The following PRELID2 variants were observed in gnomAD, a reference collection of about 807,000 sequenced individuals.
The protein encoded by PRELID2 is PRELI domain-containing protein 2.
PRELID2 carries 25 observed loss-of-function variants against 28.4 expected under a neutral mutation model. The observed-to-expected ratio is 0.88, with a 90% CI of 0.64 to 1.23. The LOEUF is 1.23. Among genes scored for constraint, PRELID2 ranks in the 50% most tolerant of loss-of-function variants. PRELID2 has a pLI of 0.00. For missense variants in PRELID2, 201 were observed against 214.4 expected, an observed-to-expected ratio of 0.94 and a Z score of 0.39; for synonymous variants, 76 against 71.6, an observed-to-expected ratio of 1.06 and a Z score of -0.31.
chr5:145,355,985 GAA>G, the PRELID2 span, among the ~76,000 whole-genome samples: 1 of 152,054 alleles, frequency 6.6e-6, no homozygotes, highest in Non-Finnish European at 1.5e-5. Flanking sequence ...TCTTTAAATT[GAA>G]AAGAGTAATT....
rs563532323 is a variant in PRELID2 at position 145,728,798 on chromosome 5, C to T, written n.70+36133G>A. On this transcript the variant is annotated intron_variant and non_coding_transcript_variant, in intron 1 of 2. Transcript: ENST00000510259. ...CAATGTAGTAGGAGTAGAAGTTGTA[C>T]GTTCCAATCATAAAGGCCACAAACA... 9.9e-5 allele frequency: 108 copies of T among 1,092,552 alleles called. 1 individual carries two copies. The South Asian group carries it at 1.1e-3, about 11-fold the overall frequency. 67.7% of individuals were successfully genotyped at this position (1,092,552 alleles called of 1,614,324 possible). A position where few individuals can be genotyped will look rare whatever the true frequency, so the allele number is the denominator to read the frequency against.
chr5:145,417,038 G>T, the PRELID2 span, among the ~76,000 whole-genome samples: 1 of 151,838 alleles, frequency 6.6e-6, no homozygotes, highest in African/African-American at 2.4e-5. Context: ...GAAGAGAAGA[G>T]ATAAATAGAG....
chr5:145,403,711 T>C, the PRELID2 span, among the ~76,000 whole-genome samples: 26 of 152,348 alleles, frequency 1.7e-4, no homozygotes, highest in South Asian at 2.5e-3. Flanking sequence ...TGGGTGTTAT[T>C]ATCCCTGATT....
the PRELID2 span, among the ~76,000 whole-genome samples, chr5:145,400,875 T>C: frequency 1.3e-5 from 2 of 152,096 alleles, no homozygotes; most frequent in Admixed American, 6.6e-5. Context: ...ACATTAGGGC[T>C]ATGAGGAACC....
chr5:145,698,691 A>T (rs1010612713), intron 1 of PRELID2, among the ~76,000 whole-genome samples: 1 of 152,094 alleles, frequency 6.6e-6, no homozygotes, highest in Admixed American at 6.6e-5. Context: ...TAATGATCTA[A>T]TCACCTCCCA....
chr5:145,782,238 T>C (rs950883972), intron 5 of PRELID2, among the ~76,000 whole-genome samples: 1 of 152,226 alleles, frequency 6.6e-6, no homozygotes, highest in African/African-American at 2.4e-5. Flanking sequence ...CTGAACTCTC[T>C]GGGACTCTGA....
chr5:145,315,627 C>A, the PRELID2 span, among the ~76,000 whole-genome samples: 2 of 150,594 alleles, frequency 1.3e-5, no homozygotes, highest in East Asian at 2.0e-4. Flanking sequence ...TCTGAAATAG[C>A]CCATCCTCAC....
chr5:145,380,578 T>G, the PRELID2 span, among the ~76,000 whole-genome samples: 1 of 152,244 alleles, frequency 6.6e-6, no homozygotes, highest in Non-Finnish European at 1.5e-5. Flanking sequence ...TACACATTCA[T>G]AGTAAGTATG....
At chr5:145,743,784 A>C (rs1357834176) in intron 1 of PRELID2, among the ~76,000 whole-genome samples, 1 of 152,166 alleles carries the variant, frequency 6.6e-6, no homozygotes, top group Non-Finnish European at 1.5e-5. Flanking sequence ...TCTCAGCTGG[A>C]ATCTACTTAA....
chr5:145,678,332 A>G (rs1754862399), intron 1 of PRELID2, among the ~76,000 whole-genome samples: 1 of 152,204 alleles, frequency 6.6e-6, no homozygotes, highest in African/African-American at 2.4e-5. Context: ...CCAAGGCAGA[A>G]GTGATCTTTC....
At chr5:145,678,576 CTTA>C (rs1406590905) in intron 1 of PRELID2, among the ~76,000 whole-genome samples, 1 of 152,156 alleles carries the variant, frequency 6.6e-6, no homozygotes, top group African/African-American at 2.4e-5. Flanking sequence ...ACCAGACCAA[CTTA>C]TTATGAGTTC....
chr5:145,438,854 A>C, the PRELID2 span, among the ~76,000 whole-genome samples: 265 of 152,228 alleles, frequency 1.7e-3, 5 homozygotes, highest in East Asian at 0.043. Flanking sequence ...AAAGCTATTT[A>C]AGACCCAGAG....
chr5:145,697,986 C>CAAAA (rs200419262), intron 1 of PRELID2, among the ~76,000 whole-genome samples: 85 of 149,804 alleles, frequency 5.7e-4, no homozygotes, highest in African/African-American at 1.8e-3. Context: ...TAATGTCCCT[C>CAAAA]AAAAAAAATA....
chr5:145,612,319 A>G (rs1016714052), intron 1 of PRELID2, among the ~76,000 whole-genome samples: 13 of 152,204 alleles, frequency 8.5e-5, no homozygotes, highest in Non-Finnish European at 1.6e-4. Flanking sequence ...TCAATTAAAC[A>G]CTTTTCCATC....
At chr5:145,397,740 A>T in the PRELID2 span, among the ~76,000 whole-genome samples, 1 of 152,194 alleles carries the variant, frequency 6.6e-6, no homozygotes, top group Non-Finnish European at 1.5e-5. Flanking sequence ...TTCTGGTGCC[A>T]GATGCCAAGA....
chr5:145,778,888 C>A lies in PRELID2; in HGVS notation c.475-13888G>T, dbSNP rs80032855. On this transcript the variant is annotated intron_variant, in intron 5 of 6. Transcript: ENST00000683046. ...CAGGTTTCCAGCCAGAAAAATGATA[C>A]CCCAAAGATCCTGTAACAATAGTAC... Among the ~76,000 whole-genome samples, 92 of 152,286 alleles carry A rather than the reference C, an allele frequency of 6.0e-4. No individual in the cohort carries two copies. In the East Asian group the frequency reaches 0.016, roughly 27 times the overall value.
intron 1 of PRELID2, among the ~76,000 whole-genome samples, chr5:145,749,647 A>G (rs1331859243): frequency 3.3e-5 from 5 of 152,204 alleles, no homozygotes; most frequent in African/African-American, 1.2e-4. Context: ...TCATTCTACT[A>G]TAAAGACACA....
At chr5:145,552,611 A>G (rs1209146352) in intron 1 of PRELID2, among the ~76,000 whole-genome samples, 2 of 152,182 alleles carry the variant, frequency 1.3e-5, no homozygotes, top group African/African-American at 4.8e-5. Context: ...CCAAGAAATT[A>G]GAACCAAAAA....
chr5:145,748,636 T>A (rs1757054248), intron 1 of PRELID2, among the ~76,000 whole-genome samples: 1 of 152,182 alleles, frequency 6.6e-6, no homozygotes, highest in African/African-American at 2.4e-5. Flanking sequence ...TTAAATTTCA[T>A]ATAGAATCAA....
Sources: allele counts gnomAD v4.1 joint callset (sites outside exome capture counted in the v4.1 genomes callset), GRCh38; gene constraint gnomAD v4.1.1; transcripts MANE v1.5; gene names NCBI Gene and HGNC (gene_info 2026-07-23, HGNC 2026-07-21).